Variants in TTLL9 observed in about 807,000 individuals in gnomAD.
The protein encoded by TTLL9 is tubulin tyrosine ligase like 9, also known as probable tubulin polyglutamylase TTLL9.
Under a neutral mutation model 65.6 loss-of-function variants are expected in TTLL9, and 47 were observed. That is an observed-to-expected ratio of 0.72 (90% CI 0.57 to 0.91). The LOEUF (loss-of-function observed/expected upper bound fraction) is 0.91, where lower values mean the gene tolerates loss of function less well. Among genes scored for constraint, TTLL9 ranks in the 40% least tolerant of loss-of-function variants. The probability of loss-of-function intolerance (pLI) is 0.00; values close to 1 mark genes in which losing one functional copy is unlikely to be tolerated. For missense variants in TTLL9, 537 were observed against 568.8 expected (o/e 0.94, Z 0.57); for synonymous variants, 179 against 204.8 (o/e 0.87, Z 1.07).
At chr20:31,922,435 T>TA (rs745537044) in intron 7 of TTLL9, among the ~76,000 whole-genome samples, 36 of 152,280 alleles carry the variant, frequency 2.4e-4, no homozygotes, top group Non-Finnish European at 4.1e-4. Context: ...CTGTAACTGT[T>TA]AAACACAAGC....
chr20:31,880,062 A>C (rs887578355), intron 2 of TTLL9, among the ~76,000 whole-genome samples: 4 of 152,012 alleles, frequency 2.6e-5, no homozygotes, highest in African/African-American at 9.7e-5. Flanking sequence ...CGAAAACAGG[A>C]AGAAAAAAAG....
At chr20:31,911,954 G>T (rs1195282022) in intron 6 of TTLL9, among the ~76,000 whole-genome samples, 1 of 151,674 alleles carries the variant, frequency 6.6e-6, no homozygotes, top group Admixed American at 6.6e-5. Flanking sequence ...TCTGGCATGG[G>T]TTCTAATTCT....
intron 10 of TTLL9, 120 bp from the exon 11 acceptor site, chr20:31,933,680 C>A: frequency 1.1e-6 from 1 of 904,734 alleles, no homozygotes; most frequent in Non-Finnish European, 1.6e-6. Context: ...AGCTCACACA[C>A]ACGACCGTGG....
intron 2 of TTLL9, among the ~76,000 whole-genome samples, chr20:31,886,875 G>C (rs1407967738): frequency 6.6e-6 from 1 of 152,206 alleles, no homozygotes; most frequent in Non-Finnish European, 1.5e-5. Flanking sequence ...ATTGAACTGA[G>C]CTTTCAAAAC....
At chr20:31,912,668 G>T (rs192275132) in intron 6 of TTLL9, among the ~76,000 whole-genome samples, 3 of 148,988 alleles carry the variant, frequency 2.0e-5, no homozygotes, top group Admixed American at 6.7e-5. Context: ...TAAGGAATTG[G>T]CTCATACAAT....
At chr20:31,887,701 CA>C (rs1467479199) in intron 3 of TTLL9, among the ~76,000 whole-genome samples, 1 of 152,190 alleles carries the variant, frequency 6.6e-6, no homozygotes, top group East Asian at 1.9e-4. Context: ...CCAAACCCAG[CA>C]CCCCTTTGGA....
chr20:31,920,321 G>C (rs1195998845), intron 7 of TTLL9, among the ~76,000 whole-genome samples: 1 of 151,984 alleles, frequency 6.6e-6, no homozygotes, highest in African/African-American at 2.4e-5. Flanking sequence ...CTTTATCTGG[G>C]CCTCCTGCTC....
chr20:31,879,740 T>C, intron 2 of TTLL9: 3 of 1,412,752 alleles, frequency 2.1e-6, no homozygotes, highest in Non-Finnish European at 1.9e-6. Context: ...GACCAGAGCC[T>C]GCGCACTCCG....
intron 2 of TTLL9, among the ~76,000 whole-genome samples, chr20:31,874,981 G>A (rs2063017862): frequency 1.3e-5 from 2 of 152,286 alleles, no homozygotes; most frequent in South Asian, 4.1e-4. Flanking sequence ...TTAGCCCAGT[G>A]AGACCCATTT....
At chr20:31,920,227 G>GTGCA (rs1555835359) in intron 7 of TTLL9, among the ~76,000 whole-genome samples, 1 of 102,006 alleles carries the variant, frequency 9.8e-6, no homozygotes, top group South Asian at 3.0e-4. Flanking sequence ...AAGCAAACAC[G>GTGCA]CGCACACACA....
At chr20:31,890,254 A>G (rs999773216) in intron 3 of TTLL9, among the ~76,000 whole-genome samples, 2 of 146,256 alleles carry the variant, frequency 1.4e-5, no homozygotes, top group African/African-American at 5.1e-5. Context: ...CCTTTCTAGC[A>G]GTCTTATGTT....
At chr20:31,879,897 G>A (rs1422015836) in intron 2 of TTLL9, 7 of 1,550,110 alleles carry the variant, frequency 4.5e-6, no homozygotes, top group African/African-American at 2.7e-5. Flanking sequence ...CGCGACCGAA[G>A]GTAGGAGTCG....
rs2064169796 is a variant in TTLL9 at position 31,939,357 on chromosome 20, T to A, written c.1243+91T>A. The A allele has an allele frequency of 9.6e-6, 14 of 1,461,012 alleles. No individual in the cohort carries two copies. The East Asian group carries it at 3.5e-4, about 36-fold the overall frequency. The allele number at this position is 1,461,012 out of a possible 1,614,324, so 90.5% of individuals were successfully genotyped here. A position where few individuals can be genotyped will look rare whatever the true frequency, so the allele number is the denominator to read the frequency against. The stretch of plus-strand genomic sequence containing the variant: ...GAGGCAGCTTGGGATAGTGGTTAGA[T>A]TGTTTGAATTCAATCTGCAACTTAC... On this transcript the variant is annotated intron_variant, in intron 14 of 14. Transcript: ENST00000535842.
At chr20:31,898,762 G>A (rs1000187151) in intron 4 of TTLL9, among the ~76,000 whole-genome samples, 197 bp downstream of exon 4, 3 of 152,210 alleles carry the variant, frequency 2.0e-5, no homozygotes, top group Admixed American at 6.5e-5. Flanking sequence ...CAACTAAACC[G>A]TAAGATAAGA....
At chr20:31,876,442 G>A (rs577165209) in intron 2 of TTLL9, among the ~76,000 whole-genome samples, 22 of 152,168 alleles carry the variant, frequency 1.4e-4, no homozygotes, top group Non-Finnish European at 2.8e-4. Context: ...GCAAAACTCC[G>A]TCTCAAAAAG....
At chr20:31,908,795 AT>A in intron 5 of TTLL9, 93 bp downstream of exon 5, 2 of 1,046,396 alleles carry the variant, frequency 1.9e-6, no homozygotes, top group Non-Finnish European at 2.9e-6. Flanking sequence ...AGAAAAGTGT[AT>A]TAGAATGTGG....
At position 31,943,751 on chromosome 20, in the gene TTLL9, T is replaced by C. The variant is rs1036851454; in HGVS notation, c.*730T>C. On this transcript the variant is annotated 3_prime_UTR_variant, in exon 15 of 15. Coordinates refer to ENST00000535842, the MANE Select transcript of TTLL9 (RefSeq NM_001008409.5). ...ATTTATCTAAGTCAGATGGGTGACT[T>C]AAGTGCTTCTCTAGGCCTTGTGTTT... The C allele has an allele frequency of 1.5e-5, 7 of 456,610 alleles. No homozygotes were observed. The East Asian group carries it at 4.9e-4, about 32-fold the overall frequency. 28.3% of individuals were successfully genotyped at this position (456,610 alleles called of 1,614,324 possible).
At chr20:31,885,162 A>G (rs944738398) in intron 2 of TTLL9, among the ~76,000 whole-genome samples, 13 of 152,090 alleles carry the variant, frequency 8.5e-5, no homozygotes, top group African/African-American at 3.1e-4. Context: ...AATCCCAGTC[A>G]AAATCTCAAC....
chr20:31,918,239 T>C (rs1225968848), intron 6 of TTLL9, among the ~76,000 whole-genome samples: 2 of 152,120 alleles, frequency 1.3e-5, no homozygotes, highest in South Asian at 4.1e-4. Context: ...TTGAAATGCA[T>C]GAGGCCAGAA....
Sources: allele counts gnomAD v4.1 joint callset (sites outside exome capture counted in the v4.1 genomes callset), GRCh38; gene constraint gnomAD v4.1.1; transcripts MANE v1.5; gene names NCBI Gene and HGNC (gene_info 2026-07-23, HGNC 2026-07-21).